The following DMD variants were observed in gnomAD, a reference collection of about 807,000 sequenced individuals.
The protein encoded by DMD is mutant dystrophin.
Under a neutral mutation model 330.1 loss-of-function variants are expected in DMD, and 63 were observed. The ratio of observed to expected loss-of-function variants is 0.19; its 90% confidence interval spans 0.16 to 0.24. The LOEUF is 0.24. DMD is among the 10% of genes least tolerant of loss of function. The pLI, the probability that DMD is intolerant of heterozygous loss-of-function variation, is 1.00. For missense variants in DMD, 3,344 were observed against 2,684.1 expected (o/e 1.25, Z -5.43); for synonymous variants, 1,223 against 959.8 (o/e 1.27, Z -5.07).
At chrX:31,633,765 T>C (rs2079253429) in intron 54 of DMD, among the ~76,000 whole-genome samples, 1 of 112,261 alleles carries the variant, frequency 8.9e-6, no homozygotes, top group Non-Finnish European at 1.9e-5. Context: ...GAGTGATGGA[T>C]GCTTAACAAA....
In DMD at chrX:32,348,290, G is replaced by C; in HGVS notation, c.5448+116C>G. 4 of 750,446 alleles carry C rather than the reference G, an allele frequency of 5.3e-6. No homozygotes were observed. In the South Asian group the frequency reaches 7.0e-5, roughly 13 times the overall value. 61.8% of individuals were successfully genotyped at this position (750,446 alleles called of 1,213,427 possible). ...TATTCTGCATTTATAAAATTCATTA[G>C]AATCATAAAATGTGTAATATGTGCT... On this transcript the variant is annotated intron_variant, in intron 38 of 78. Transcript: ENST00000357033.
intron 59 of DMD, among the ~76,000 whole-genome samples, chrX:31,464,271 C>T (rs1165132710): frequency 8.9e-6 from 1 of 111,970 alleles, no homozygotes; most frequent in African/African-American, 3.2e-5. Context: ...AGCTGTACAA[C>T]TCTGATTTAA....
At chrX:32,280,027 T>TATATATATATGTACCCCAC (rs1569555718) in intron 43 of DMD, among the ~76,000 whole-genome samples, 1 of 102,736 alleles carries the variant, frequency 9.7e-6, no homozygotes, top group African/African-American at 3.5e-5. Context: ...GTACCCCACA[T>TATATATATATGTACCCCAC]ATATATATAC....
At chrX:31,683,123 T>C (rs1483118475) in intron 52 of DMD, among the ~76,000 whole-genome samples, 1 of 111,963 alleles carries the variant, frequency 8.9e-6, no homozygotes, top group Non-Finnish European at 1.9e-5. Context: ...TTTTTCACCC[T>C]TGACCTTCAA....
At chrX:33,010,254 A>ACATATGTGTGTGTATG (rs1569549304) in intron 2 of DMD, among the ~76,000 whole-genome samples, 2 of 55,865 alleles carry the variant, frequency 3.6e-5, no homozygotes, top group Admixed American at 1.7e-4. Context: ...GTGTGTATAT[A>ACATATGTGTGTGTATG]TGTACAAATA....
chrX:32,533,784 C>T (rs1034156913), intron 17 of DMD, among the ~76,000 whole-genome samples: 3 of 111,971 alleles, frequency 2.7e-5, no homozygotes, highest in African/African-American at 9.7e-5. Flanking sequence ...AAGAAACCCA[C>T]CATGCATTGG....
At chrX:31,836,858 A>G in intron 48 of DMD, 39 bp from the exon 49 acceptor site, 1 of 1,087,355 alleles carries the variant, frequency 9.2e-7, no homozygotes. Context: ...TTAACTTCAC[A>G]GTTAGCAATA....
chrX:33,129,818 T>C (rs753195918), intron 1 of DMD, among the ~76,000 whole-genome samples: 2 of 111,755 alleles, frequency 1.8e-5, no homozygotes, highest in Admixed American at 9.6e-5. Context: ...TGAATGGAAA[T>C]GGAGGTTGCC....
chrX:31,833,359 A>AAGAGAGAGAGAGAG (rs61677647), intron 49 of DMD, among the ~76,000 whole-genome samples: 1 of 50,468 alleles, frequency 2.0e-5, no homozygotes, highest in African/African-American at 8.3e-5. Flanking sequence ...GAGGGAGGGA[A>AAGAGAGAGAGAGAG]AGAGAGAGAG....
intron 60 of DMD, among the ~76,000 whole-genome samples, chrX:31,376,566 G>T (rs1457521584): frequency 8.9e-6 from 1 of 112,008 alleles, no homozygotes; most frequent in Non-Finnish European, 1.9e-5. Context: ...ATGGGCAGGG[G>T]CCAATATCCA....
At chrX:31,347,020 AAAAAAAAAAAAAAAAAG>A (rs1243614344) in intron 61 of DMD, among the ~76,000 whole-genome samples, 7,601 of 89,890 alleles carry the variant, frequency 0.085, 447 homozygotes, top group Non-Finnish European at 0.13. Context: ...AAAAAAAAAA[AAAAAAAAAAAAAAAAAG>A]GAAGGATGCA....
chrX:31,270,962 G>A (rs751919339), intron 62 of DMD, among the ~76,000 whole-genome samples: 5 of 111,857 alleles, frequency 4.5e-5, no homozygotes, highest in African/African-American at 1.3e-4. Context: ...TAAAGCAATA[G>A]TCCTCAAGCT....
At chrX:31,160,436 T>A (rs1023167589) in intron 74 of DMD, among the ~76,000 whole-genome samples, 4 of 111,770 alleles carry the variant, frequency 3.6e-5, no homozygotes, top group Non-Finnish European at 7.5e-5. Flanking sequence ...TCTTCTGATG[T>A]TCCCAGAGAC....
intron 2 of DMD, among the ~76,000 whole-genome samples, chrX:32,970,231 A>G (rs2092332199): frequency 1.1e-5 from 1 of 94,576 alleles, no homozygotes; most frequent in Admixed American, 1.1e-4. Context: ...ATGCTTTGCT[A>G]AAGAATAAGA....
At chrX:32,981,408 C>T (rs1431087569) in intron 2 of DMD, among the ~76,000 whole-genome samples, 2 of 111,126 alleles carry the variant, frequency 1.8e-5, no homozygotes, top group African/African-American at 3.3e-5. Flanking sequence ...CAATTTTATG[C>T]GGTTCATAGC....
intron 62 of DMD, among the ~76,000 whole-genome samples, chrX:31,322,483 T>A (rs1447975272): frequency 8.9e-6 from 1 of 112,160 alleles, no homozygotes; most frequent in African/African-American, 3.2e-5. Context: ...AAAAAGAATT[T>A]TCAAGTTAAG....
intron 52 of DMD, among the ~76,000 whole-genome samples, chrX:31,721,668 ATC>A (rs1243786404): frequency 1.8e-4 from 6 of 32,489 alleles, no homozygotes; most frequent in Non-Finnish European, 2.8e-4. Flanking sequence ...ATTATTACCA[ATC>A]TCTCTCTCTC....
intron 37 of DMD, among the ~76,000 whole-genome samples, chrX:32,360,552 C>T (rs1171238489): frequency 3.6e-5 from 4 of 110,800 alleles, no homozygotes; most frequent in African/African-American, 1.3e-4. Context: ...CTTTGAGAGG[C>T]CCAGGCAGGA....
At chrX:33,118,231 C>T (rs1425311381) in intron 1 of DMD, among the ~76,000 whole-genome samples, 1 of 107,084 alleles carries the variant, frequency 9.3e-6, no homozygotes, top group Non-Finnish European at 1.9e-5. Context: ...CTGCCTCAGC[C>T]TCCCGAGTAG....
Sources: gnomAD v4.1 joint callset for allele counts (sites outside exome capture counted in the v4.1 genomes callset) on GRCh38, gnomAD v4.1.1 for gene constraint, MANE v1.5 for transcripts, NCBI Gene and HGNC (gene_info 2026-07-23, HGNC 2026-07-21) for gene names.